Variants in UBN1 observed in about 807,000 individuals in gnomAD.
UBN1 encodes the protein ubinuclein-1.
A neutral mutation model predicts 108.5 loss-of-function variants in UBN1; 17 were observed. The ratio of observed to expected loss-of-function variants is 0.16; its 90% CI spans 0.11 to 0.24. The LOEUF (loss-of-function observed/expected upper bound fraction) is 0.24, where lower values mean the gene tolerates loss of function less well. Among genes scored for constraint, UBN1 ranks in the 10% least tolerant of loss-of-function variants. UBN1 has a pLI of 1.00. For synonymous variants in UBN1, 726 were observed against 564.2 expected, an observed-to-expected ratio of 1.29 and a Z score of -4.07; for missense variants, 1,595 against 1,394.4, an observed-to-expected ratio of 1.14 and a Z score of -2.29.
At chr16:4,851,551 C>T (rs1425438160) in intron 1 of UBN1, among the ~76,000 whole-genome samples, 4 of 151,976 alleles carry the variant, frequency 2.6e-5, no homozygotes, top group Non-Finnish European at 4.4e-5. Flanking sequence ...AGGAAAAGAG[C>T]CTAGTTTTAA....
chr16:4,873,044 G>A lies in UBN1; in HGVS notation c.1771G>A (p.Val591Ile), dbSNP rs1567947079. 35 of 1,614,208 alleles carry A rather than the reference G, an allele frequency of 2.2e-5. No homozygotes were observed. The highest frequency in any genetic ancestry group is 2.8e-5 in the Non-Finnish European group (33 of 1,180,036). The change falls in exon 14 of 18, where the codon GTT becomes ATT. Residue 591 changes from valine to isoleucine, a missense_variant. Physicochemically the swap from Val to Ile is conservative, Grantham distance 29. Coordinates refer to ENST00000262376, the MANE Select transcript of UBN1 (RefSeq NM_001079514.3). ...HLTSILAKKK[V>I]MAPSKIKVKE... is the part of the protein sequence containing the mutation. ...TCCTTTGAACAGGGCCAAGAAGAAA[G>A]TTATGGCCCCTTCTAAAATCAAGGT...
intron 14 of UBN1, among the ~76,000 whole-genome samples, chr16:4,873,667 C>T (rs2142266630): frequency 6.6e-6 from 1 of 152,264 alleles, no homozygotes; most frequent in Admixed American, 6.5e-5. Context: ...CTGTTGAGCT[C>T]CCACAATGTC....
Position 4,847,920 on chromosome 16 carries a change from C to T in UBN1, c.-330C>T, listed in dbSNP as rs2086277890. 6.6e-6 allele frequency: 1 copy of T among 152,506 alleles called. No homozygotes were observed. The highest frequency in any genetic ancestry group is 1.5e-5 in the Non-Finnish European group (1 of 68,262). The allele number at this position is 152,506 out of a possible 1,614,324, so 9.4% of individuals were successfully genotyped here. On this transcript the variant is annotated 5_prime_UTR_variant, in exon 1 of 18. Coordinates refer to ENST00000262376, the MANE Select transcript of UBN1 (RefSeq NM_001079514.3). ...GCCGTCTGAGCGCGGGGTCCCGCGC[C>T]GCAAGTTCTCCTGGGGCGACCGGAG... is the stretch of plus-strand genomic sequence containing the variant.
At chr16:4,861,140 A>G (rs200767280) in intron 7 of UBN1, 38 bp downstream of exon 7, 2 of 1,573,104 alleles carry the variant, frequency 1.3e-6, no homozygotes, top group Middle Eastern at 2.0e-4. Flanking sequence ...TCCTGGAAGC[A>G]GTTTGGGCAG....
chr16:4,859,241 G>C, intron 5 of UBN1, 82 bp downstream of exon 5: 1 of 1,544,974 alleles, frequency 6.5e-7, no homozygotes, highest in Non-Finnish European at 8.7e-7. Flanking sequence ...GCCAGAATAC[G>C]TGGCGCTTGG....
chr16:4,857,943 A>G (rs759837651), intron 2 of UBN1, 47 bp from the exon 3 acceptor site: 12 of 1,389,122 alleles, frequency 8.6e-6, no homozygotes, highest in African/African-American at 1.4e-5. Flanking sequence ...GAATAAGAAC[A>G]TGGGAATATT....
chr16:4,854,429 C>T (rs552953503), intron 2 of UBN1, among the ~76,000 whole-genome samples: 27 of 149,418 alleles, frequency 1.8e-4, no homozygotes, highest in Non-Finnish European at 3.0e-4. Flanking sequence ...CTGCAACTTC[C>T]GCCTCCCAGG....
chr16:4,860,803 G>T lies in UBN1; in HGVS notation c.811G>T (p.Val271Phe). 1 of 1,614,288 alleles carries T rather than the reference G, an allele frequency of 6.2e-7. No individual in the cohort carries two copies. Among genetic ancestry groups the T allele is most frequent in the East Asian group, 2.2e-5 (1 of 44,894 alleles). Residue 271 changes from valine (V) to phenylalanine (F), a missense_variant, in exon 7 of 18, where the codon GTC becomes TTC. Val to Phe is a conservative substitution (Grantham distance 50). Around this residue, in one of 3 missense-constraint regions of UBN1, gnomAD observed 1,398 missense variants for 1,194.7 expected, o/e 1.17. Transcript: ENST00000262376. ...GGAGGAGGAGCATAAGCCTGTTGCGGTCCCATCAGCGGAAGCTCAGGGCCT... is the reference window on the plus strand; with the variant it reads ...GGAGGAGGAGCATAAGCCTGTTGCGTTCCCATCAGCGGAAGCTCAGGGCCT... ...KREEEHKPVA[V>F]PSAEAQGLRE... is the part of the protein sequence containing the mutation.
Position 4,854,637 on chromosome 16 carries a change from A to AT in UBN1, c.249+1473dup, listed in dbSNP as rs1203369461. ...CACCTCCGCCTCCCAAAGTGTTAGG[A>AT]TTATAGGCGTGAGTCACCGCACCTG... On this transcript the variant is annotated intron_variant, in intron 2 of 17. Transcript: ENST00000262376. Among the ~76,000 whole-genome samples the AT allele has an allele frequency of 9.9e-5, 15 of 151,256 alleles. No individual in the cohort carries two copies. In the South Asian group the frequency reaches 1.5e-3, roughly 15 times the overall value.
chr16:4,859,806 A>G, intron 5 of UBN1, 59 bp from the exon 6 acceptor site: 1 of 1,608,800 alleles, frequency 6.2e-7, no homozygotes, highest in South Asian at 1.1e-5. Flanking sequence ...AGTGCCGTGT[A>G]GTGCACTTGC....
Position 4,874,709 on chromosome 16 carries a change from G to T in UBN1, c.2299G>T (p.Ala767Ser). The change falls in exon 15 of 18, where the codon GCT (alanine) becomes TCT (serine). Residue 767 changes from alanine (A) to serine (S), a missense_variant. Coordinates refer to ENST00000262376, the MANE Select transcript of UBN1 (RefSeq NM_001079514.3). The stretch of plus-strand genomic sequence containing the variant: ...TGGCTACAAAGAGCTGTCCTGCCAG[G>T]CTCCCCTCAATAAGGGCCTGCCAGA... ...SSGYKELSCQ[A>S]PLNKGLPEVH... The T allele has an allele frequency of 3.1e-6, 5 of 1,613,984 alleles. No homozygotes were observed. The highest frequency in any genetic ancestry group is 1.7e-5 in the Admixed American group (1 of 60,024).
Position 4,873,052 on chromosome 16 carries a change from C to T in UBN1, c.1779C>T (p.Ala593=), listed in dbSNP as rs747653658. ...ACAGGGCCAAGAAGAAAGTTATGGC[C>T]CCTTCTAAAATCAAGGTGAAGGTGA... The part of the protein sequence containing the change: ...TSILAKKKVM[A]PSKIKVKESS... The change falls in exon 14 of 18, where the codon GCC becomes GCT. Residue 593 remains alanine, a synonymous_variant. Transcript: ENST00000262376. 27 of 1,614,016 alleles carry T rather than the reference C, an allele frequency of 1.7e-5. No individual in the cohort carries two copies. Among genetic ancestry groups the T allele is most frequent in the Non-Finnish European group, 5.1e-6 (6 of 1,180,032 alleles).
chr16:4,858,654 C>T lies in UBN1; in HGVS notation c.423C>T (p.Asn141=). The stretch of plus-strand genomic sequence containing the variant: ...ATGAATCCGACTCCTTCATCGATAA[C>T]TCTGAGGCGGTAAGTAGTTACTGAA... ...GYDESDSFID[N]SEAYDELVPA... is the part of the protein sequence containing the mutation. The change falls in exon 4 of 18, where the codon AAC becomes AAT. Residue 141 remains asparagine (N), a synonymous_variant. Transcript: ENST00000262376. 1 of 1,614,122 alleles carries T rather than the reference C, an allele frequency of 6.2e-7. No homozygotes were observed. The highest frequency in any genetic ancestry group is 8.5e-7 in the Non-Finnish European group (1 of 1,179,980).
At position 4,874,764 on chromosome 16, in the gene UBN1, G is replaced by T; in HGVS notation, c.2354G>T (p.Ser785Ile). The change falls in exon 15 of 18, where the codon AGC becomes ATC. Residue 785 changes from serine (S) to isoleucine (I), a missense_variant. Ser to Ile is a moderately radical substitution (Grantham distance 142). Coordinates refer to ENST00000262376, the MANE Select transcript of UBN1 (RefSeq NM_001079514.3). ...EVHQSKAKHH[S>I]LPRTSHGPQV... is the part of the protein sequence containing the mutation. ...CATCAGTCCAAAGCTAAGCACCACA[G>T]CTTGCCACGGACGTCTCACGGGCCC... The T allele has an allele frequency of 6.2e-7, 1 of 1,614,082 alleles. No individual in the cohort carries two copies. Among genetic ancestry groups the T allele is most frequent in the South Asian group, 1.1e-5 (1 of 91,084 alleles).
chr16:4,853,950 C>G (rs1184338147), intron 2 of UBN1, among the ~76,000 whole-genome samples: 8 of 152,176 alleles, frequency 5.3e-5, no homozygotes, highest in African/African-American at 1.9e-4. Flanking sequence ...CAGAAACCCT[C>G]CTTCTGCCCT....
At chr16:4,851,432 A>AGAG (rs1393917220) in intron 1 of UBN1, among the ~76,000 whole-genome samples, 11 of 152,200 alleles carry the variant, frequency 7.2e-5, no homozygotes, top group Non-Finnish European at 1.6e-4. Context: ...CCTGGGCAAC[A>AGAG]GAGTGAGACC....
At chr16:4,865,834 T>C (rs943892594) in intron 7 of UBN1, among the ~76,000 whole-genome samples, 81 of 151,948 alleles carry the variant, frequency 5.3e-4, no homozygotes, top group African/African-American at 1.9e-3. Flanking sequence ...TGGGGGTGGG[T>C]GCCTGTAATC....
intron 12 of UBN1, among the ~76,000 whole-genome samples, chr16:4,872,594 G>A (rs565149774): frequency 2.4e-4 from 36 of 152,260 alleles, no homozygotes; most frequent in Non-Finnish European, 4.7e-4. Context: ...TCAGCCTCCC[G>A]AGTAGCTGGG....
Position 4,872,921 on chromosome 16 carries a change from C to G in UBN1, c.1744C>G (p.Leu582Val), listed in dbSNP as rs2087714738. ...GGAGAGCAGACGAGGCCATGGGCAC[C>G]TGACTTCAATCCTGTGAGTGTCTTG... is the stretch of plus-strand genomic sequence containing the variant. ...FKESRRGHGH[L>V]TSILAKKKVM... is the part of the protein sequence containing the mutation. The change falls in exon 13 of 18, where the codon CTG becomes GTG. Residue 582 changes from leucine (L) to valine (V), a missense_variant. Physicochemically the swap from Leu to Val is conservative, Grantham distance 32. Coordinates refer to ENST00000262376, the MANE Select transcript of UBN1 (RefSeq NM_001079514.3). 1 of 1,614,094 alleles carries G rather than the reference C, an allele frequency of 6.2e-7. No individual in the cohort carries two copies. The highest frequency in any genetic ancestry group is 1.3e-5 in the African/African-American group (1 of 74,926).
Sources: allele counts gnomAD v4.1 joint callset (sites outside exome capture counted in the v4.1 genomes callset), GRCh38; gene constraint gnomAD v4.1.1; regional missense constraint gnomAD v4.1.1; transcripts MANE v1.5; gene names NCBI Gene and HGNC (gene_info 2026-07-23, HGNC 2026-07-21).